ZFAND3: variants seen among roughly 807,000 people sequenced by gnomAD.
ZFAND3 encodes the protein zinc finger AN1-type containing 3, also known as AN1-type zinc finger protein 3.
In ZFAND3, 10 loss-of-function variants were observed where a neutral mutation model predicts 29.6. The ratio of observed to expected loss-of-function variants is 0.34; its 90% CI spans 0.21 to 0.57. The LOEUF is 0.57. ZFAND3 is among the 20% of genes least tolerant of loss of function. The pLI, the probability that ZFAND3 is intolerant of heterozygous loss-of-function variation, is 0.86. For missense variants in ZFAND3, 230 were observed against 304.5 expected (o/e 0.76, Z 1.82); for synonymous variants, 128 against 112.6 (o/e 1.14, Z -0.87).
At chr6:38,070,553 A>G (rs988207637) in intron 3 of ZFAND3, among the ~76,000 whole-genome samples, 2 of 152,016 alleles carry the variant, frequency 1.3e-5, no homozygotes, top group Non-Finnish European at 2.9e-5. Context: ...CCTGCATAAT[A>G]TTCTATATTG....
chr6:38,145,801 TG>T (rs1156254323), intron 5 of ZFAND3, among the ~76,000 whole-genome samples: 1 of 152,206 alleles, frequency 6.6e-6, no homozygotes, highest in African/African-American at 2.4e-5. Context: ...TCAGGAGGGC[TG>T]AGTCCAGATG....
intron 1 of ZFAND3, among the ~76,000 whole-genome samples, chr6:37,885,966 G>C (rs1018177822): frequency 1.3e-5 from 2 of 151,970 alleles, no homozygotes; most frequent in African/African-American, 4.8e-5. Flanking sequence ...GGCCAGGTGC[G>C]GTGGCTTATG....
intron 5 of ZFAND3, among the ~76,000 whole-genome samples, chr6:38,126,197 A>G (rs1233613950): frequency 6.6e-6 from 1 of 152,188 alleles, no homozygotes; most frequent in African/African-American, 2.4e-5. Flanking sequence ...CCTACATAGT[A>G]TGTTGTTTTT....
intron 1 of ZFAND3, among the ~76,000 whole-genome samples, chr6:37,837,754 C>G (rs1468048551): frequency 2.0e-5 from 3 of 152,160 alleles, no homozygotes; most frequent in African/African-American, 7.2e-5. Context: ...GATCCGCCCA[C>G]CTCAGCCTCC....
intron 1 of ZFAND3, among the ~76,000 whole-genome samples, chr6:37,920,052 CTTTTT>C (rs11389241): frequency 3.2e-4 from 30 of 93,404 alleles, no homozygotes; most frequent in African/African-American, 7.3e-4. Context: ...TTTTTTGAAG[CTTTTT>C]TTTTTTTTTT....
At chr6:37,872,575 C>G (rs1308568249) in intron 1 of ZFAND3, among the ~76,000 whole-genome samples, 3 of 152,188 alleles carry the variant, frequency 2.0e-5, no homozygotes, top group Non-Finnish European at 4.4e-5. Flanking sequence ...CAGAGTACCA[C>G]TCTCCTACTC....
At chr6:37,821,511 C>T (rs1375198870) in intron 1 of ZFAND3, among the ~76,000 whole-genome samples, 1 of 152,114 alleles carries the variant, frequency 6.6e-6, no homozygotes, top group Admixed American at 6.6e-5. Context: ...GAAACTGAGG[C>T]TTTGGGTGGA....
At chr6:38,032,212 T>G (rs960081289) in intron 2 of ZFAND3, among the ~76,000 whole-genome samples, 2 of 152,214 alleles carry the variant, frequency 1.3e-5, no homozygotes, top group Admixed American at 6.5e-5. Flanking sequence ...TATAGATTAC[T>G]GTAATATAAT....
rs574713122 is a variant in ZFAND3 at position 37,956,939 on chromosome 6, T to G, written c.112+26940T>G. 3.9e-5 allele frequency among the ~76,000 whole-genome samples: 6 copies of G among 152,300 alleles called. No individual in the cohort carries two copies. In the East Asian group the frequency reaches 1.2e-3, roughly 29 times the overall value. On this transcript the variant is annotated intron_variant, in intron 2 of 5. Transcript: ENST00000287218. ...AGCCTTTTGGGAGTGGACTGATAAT[T>G]GTCCAGTTTCCTTACTTGGAGGTCT...
chr6:37,879,847 C>T (rs904011918), intron 1 of ZFAND3, among the ~76,000 whole-genome samples: 1 of 152,142 alleles, frequency 6.6e-6, no homozygotes, highest in Admixed American at 6.5e-5. Context: ...TTCAGGATAG[C>T]ATGAAGATGT....
chr6:38,110,269 AAAGG>A (rs1477150049), intron 4 of ZFAND3, among the ~76,000 whole-genome samples: 2 of 152,152 alleles, frequency 1.3e-5, no homozygotes, highest in Non-Finnish European at 2.9e-5. Context: ...GAACATTAAG[AAAGG>A]AAGGGAAAAT....
intron 1 of ZFAND3, among the ~76,000 whole-genome samples, chr6:37,896,554 C>CTTTCTTTCTT (rs1554153844): frequency 7.3e-6 from 1 of 137,698 alleles, no homozygotes; most frequent in African/African-American, 2.8e-5. Context: ...TTCTTTCTTT[C>CTTTCTTTCTT]TTTCTTTCTT....
At chr6:38,019,612 C>T (rs1763311676) in intron 2 of ZFAND3, among the ~76,000 whole-genome samples, 1 of 152,048 alleles carries the variant, frequency 6.6e-6, no homozygotes, top group Non-Finnish European at 1.5e-5. Context: ...AAGGTTGTCC[C>T]TTAGAAAAAT....
intron 2 of ZFAND3, among the ~76,000 whole-genome samples, chr6:37,935,746 AT>A (rs1327333806): frequency 6.6e-6 from 1 of 152,196 alleles, no homozygotes. Context: ...GCTTTGGAAA[AT>A]CTTGGAATCT....
chr6:38,022,995 A>C (rs187852826), intron 2 of ZFAND3, among the ~76,000 whole-genome samples: 96 of 152,264 alleles, frequency 6.3e-4, no homozygotes, highest in Admixed American at 5.9e-3. Context: ...AGCTTTAAGG[A>C]CAAAGAATGC....
At chr6:37,934,861 A>G (rs970534119) in intron 2 of ZFAND3, among the ~76,000 whole-genome samples, 3 of 145,692 alleles carry the variant, frequency 2.1e-5, no homozygotes, top group African/African-American at 7.7e-5. Flanking sequence ...AAAAAAAAAA[A>G]AAAGCAAAAG....
chr6:37,826,622 A>G (rs1288464531), intron 1 of ZFAND3, among the ~76,000 whole-genome samples: 1 of 152,028 alleles, frequency 6.6e-6, no homozygotes, highest in African/African-American at 2.4e-5. Context: ...AGGTGGTGGC[A>G]TGCTCCTGTA....
intron 1 of ZFAND3, among the ~76,000 whole-genome samples, chr6:37,827,682 G>A (rs150329211): frequency 2.6e-4 from 40 of 152,342 alleles, no homozygotes; most frequent in African/African-American, 8.9e-4. Flanking sequence ...GAGGCTGAGG[G>A]ACAGAGCTGC....
At chr6:38,143,703 G>T (rs1766010135) in intron 5 of ZFAND3, among the ~76,000 whole-genome samples, 1 of 152,180 alleles carries the variant, frequency 6.6e-6, no homozygotes, top group African/African-American at 2.4e-5. Context: ...CTGTGGCTTT[G>T]GTTCCAGTGC....
Sources: allele counts gnomAD v4.1 joint callset (sites outside exome capture counted in the v4.1 genomes callset), GRCh38; gene constraint gnomAD v4.1.1; transcripts MANE v1.5; gene names NCBI Gene and HGNC (gene_info 2026-07-23, HGNC 2026-07-21).